SLC12A3: variants seen among roughly 807,000 people sequenced by gnomAD.
SLC12A3 encodes the protein solute carrier family 12 member 3.
Under a neutral mutation model 121.0 loss-of-function variants are expected in SLC12A3, and 104 were observed. The ratio of observed to expected loss-of-function variants is 0.86; its 90% confidence interval spans 0.73 to 1.01. SLC12A3 has a LOEUF of 1.01. Ranked by LOEUF, SLC12A3 falls within the 50% of genes least tolerant of loss-of-function variation. The pLI is 0.00. For missense variants in SLC12A3, 1,328 were observed against 1,356.3 expected (o/e 0.98, Z 0.33); for synonymous variants, 536 against 533.4 (o/e 1.00, Z -0.07).
chr16:56,904,197 G>A, intron 24 of SLC12A3, 198 bp from the exon 25 acceptor site: 3 of 577,330 alleles, frequency 5.2e-6, no homozygotes, highest in South Asian at 3.5e-5. Flanking sequence ...CTTCTTGGAG[G>A]AGGTGAGCTT....
chr16:56,883,526 C>T (rs879887167), intron 13 of SLC12A3, among the ~76,000 whole-genome samples: 1 of 152,044 alleles, frequency 6.6e-6, no homozygotes, highest in Admixed American at 6.6e-5. Context: ...ATGATCCGCC[C>T]GCCTCAGCCT....
At chr16:56,866,201 G>A (rs1964351782) in intron 1 of SLC12A3, among the ~76,000 whole-genome samples, 1 of 152,090 alleles carries the variant, frequency 6.6e-6, no homozygotes, top group South Asian at 2.1e-4. Flanking sequence ...GGCCAGGCTG[G>A]TCTTGAACTC....
intron 22 of SLC12A3, 24 bp from the exon 23 acceptor site, chr16:56,899,506 A>C (rs1207864984): frequency 1.3e-6 from 2 of 1,586,226 alleles, no homozygotes; most frequent in Non-Finnish European, 1.7e-6. Flanking sequence ...AGTAATAACA[A>C]TAAACCCTCC....
intron 23 of SLC12A3, among the ~76,000 whole-genome samples, chr16:56,901,935 T>C (rs1416640680): frequency 6.6e-6 from 1 of 152,218 alleles, no homozygotes; most frequent in Non-Finnish European, 1.5e-5. Flanking sequence ...ACAGACTTCC[T>C]TCAGGTCCCA....
chr16:56,879,923 A>T (rs2055215658), intron 11 of SLC12A3, among the ~76,000 whole-genome samples: 1 of 152,062 alleles, frequency 6.6e-6, no homozygotes, highest in Admixed American at 6.6e-5. Context: ...GAAGCCATCC[A>T]TCCCCCAGTC....
At chr16:56,872,500 A>G (rs1224722315) in intron 7 of SLC12A3, 38 bp downstream of exon 7, 2 of 1,587,880 alleles carry the variant, frequency 1.3e-6, no homozygotes, top group Non-Finnish European at 1.7e-6. Context: ...GGCTCTGGGG[A>G]CAGGGACTCT....
At chr16:56,870,495 C>T in intron 5 of SLC12A3, 131 bp from the exon 6 acceptor site, 3 of 777,478 alleles carry the variant, frequency 3.9e-6, no homozygotes, top group Admixed American at 2.0e-5. Context: ...GACTCGATGG[C>T]AGGGGTGGTG....
At position 56,879,574 on chromosome 16, in the gene SLC12A3, G is replaced by A. The variant is rs139817489; in HGVS notation, c.1368G>A (p.Leu456=). 17 of 1,613,716 alleles carry A rather than the reference G, an allele frequency of 1.1e-5. No individual in the cohort carries two copies. The highest frequency in any genetic ancestry group is 1.4e-5 in the Non-Finnish European group (16 of 1,180,006). Residue 456 remains leucine, a synonymous_variant, in exon 11 of 26, where the codon CTG becomes CTA. Coordinates refer to ENST00000563236, the MANE Select transcript of SLC12A3 (RefSeq NM_001126108.2). The part of the protein sequence containing the change: ...TMSMVSGFAP[L]ITAGIFGATL... ...GCATGGTGTCAGGCTTCGCGCCCCT[G>A]ATCACGGCTGGCATCTTCGGGGCCA...
intron 18 of SLC12A3, among the ~76,000 whole-genome samples, chr16:56,889,404 G>C (rs1456332414): frequency 6.6e-6 from 1 of 152,244 alleles, no homozygotes; most frequent in Admixed American, 6.5e-5. Flanking sequence ...TGGTGGGCGG[G>C]CTCTTGGGCA....
rs542526389 is a variant in SLC12A3 at position 56,876,266 on chromosome 16, C to G, written c.1096-1811C>G. Among the ~76,000 whole-genome samples the G allele has an allele frequency of 4.6e-5, 7 of 152,284 alleles. No homozygotes were observed. The South Asian group carries it at 1.2e-3, about 27-fold the overall frequency. On this transcript the variant is annotated intron_variant, in intron 8 of 25. Coordinates refer to ENST00000563236, the MANE Select transcript of SLC12A3 (RefSeq NM_001126108.2). Reference sequence around the variant, plus strand: ...CTAATCCGGTATGACCTCATCTTTACTAACTGCACCTGCAAAGACCCTGTT... The same window carrying G: ...CTAATCCGGTATGACCTCATCTTTAGTAACTGCACCTGCAAAGACCCTGTT...
chr16:56,886,349 C>G lies in SLC12A3; in HGVS notation c.1926-15C>G, dbSNP rs1210895334. The G allele has an allele frequency of 3.1e-6, 5 of 1,600,876 alleles. No homozygotes were observed. Among genetic ancestry groups the G allele is most frequent in the Non-Finnish European group, 4.3e-6 (5 of 1,168,294 alleles). On this transcript the variant is annotated splice_polypyrimidine_tract_variant and intron_variant, in intron 15 of 25. Coordinates refer to ENST00000563236, the MANE Select transcript of SLC12A3 (RefSeq NM_001126108.2). ...CTCTCCTGATGGCTCCTGCCCTTTT[C>G]CCTTCCCTCCTCAGCCCCCAGTGCC... is the stretch of plus-strand genomic sequence containing the variant.
At chr16:56,909,542 C>T (rs916921190) in intron 25 of SLC12A3, among the ~76,000 whole-genome samples, 6 of 152,038 alleles carry the variant, frequency 3.9e-5, no homozygotes, top group African/African-American at 1.2e-4. Flanking sequence ...CTGCCCAGGG[C>T]GTCCCACCCC....
At chr16:56,877,910 C>T (rs1357625664) in intron 8 of SLC12A3, among the ~76,000 whole-genome samples, 167 bp from the exon 9 acceptor site, 1 of 152,234 alleles carries the variant, frequency 6.6e-6, no homozygotes, top group Admixed American at 6.5e-5. Flanking sequence ...CCTCTCTGTG[C>T]TGGAACAGGG....
At chr16:56,894,086 C>T (rs540391233) in intron 21 of SLC12A3, among the ~76,000 whole-genome samples, 1 of 150,914 alleles carries the variant, frequency 6.6e-6, no homozygotes, top group East Asian at 2.0e-4. Context: ...TCACTGCAAC[C>T]TCTGCCTCCT....
chr16:56,889,070 G>A (rs980575732), intron 18 of SLC12A3, among the ~76,000 whole-genome samples: 1 of 151,848 alleles, frequency 6.6e-6, no homozygotes, highest in South Asian at 2.1e-4. Context: ...CTTGCTGTGT[G>A]ATGTCCAGAG....
Position 56,886,456 on chromosome 16 carries a change from T to C in SLC12A3, c.2018T>C (p.Ile673Thr). ...GTFTRNLSLM[I>T]CGHVLIGPHK... The stretch of plus-strand genomic sequence containing the variant: ...TTCACCCGGAACCTCAGCCTGATGA[T>C]CTGTGGCCACGTGCTCATCGTGAGT... The change falls in exon 16 of 26, where the codon ATC becomes ACC. Residue 673 changes from isoleucine (I) to threonine (T), a missense_variant. Ile to Thr is a moderately conservative substitution (Grantham distance 89). Coordinates refer to ENST00000563236, the MANE Select transcript of SLC12A3 (RefSeq NM_001126108.2). The C allele has an allele frequency of 1.9e-6, 3 of 1,613,916 alleles. No individual in the cohort carries two copies. Among genetic ancestry groups the C allele is most frequent in the Non-Finnish European group, 2.5e-6 (3 of 1,179,980 alleles).
chr16:56,882,513 A>AC lies in SLC12A3; in HGVS notation c.1669+19dup. 6.3e-7 allele frequency: 1 copy of AC among 1,599,288 alleles called. No individual in the cohort carries two copies. Among genetic ancestry groups the AC allele is most frequent in the Non-Finnish European group, 8.6e-7 (1 of 1,166,842 alleles). ...AACTCGCCTGGTAAGCAAACCCTTC[A>AC]CCCACCTCAGGAGGAGGCACCCAGG... On this transcript the variant is annotated intron_variant, in intron 13 of 25. Coordinates refer to ENST00000563236, the MANE Select transcript of SLC12A3 (RefSeq NM_001126108.2).
Position 56,880,256 on chromosome 16 carries a change from A to T in SLC12A3, c.1567+3A>T. Reference sequence around the variant, plus strand: ...CGCTGTGGCCTTCATCATCATCGGTAAGGCTCTGCCAGGGCTCACAGGGCC... The same window carrying T: ...CGCTGTGGCCTTCATCATCATCGGTTAGGCTCTGCCAGGGCTCACAGGGCC... On this transcript the variant is annotated splice_donor_region_variant and intron_variant, in intron 12 of 25. Transcript: ENST00000563236. 1.3e-6 allele frequency: 2 copies of T among 1,576,626 alleles called. No individual in the cohort carries two copies. Among genetic ancestry groups the T allele is most frequent in the Non-Finnish European group, 1.7e-6 (2 of 1,160,668 alleles).
At chr16:56,894,702 C>A in intron 22 of SLC12A3, 60 bp downstream of exon 22, 1 of 1,280,022 alleles carries the variant, frequency 7.8e-7, no homozygotes, top group Non-Finnish European at 1.1e-6. Context: ...TTAGCTCCAC[C>A]CAAGGCTGTC....
Sources: allele counts gnomAD v4.1 joint callset (sites outside exome capture counted in the v4.1 genomes callset), GRCh38; gene constraint gnomAD v4.1.1; transcripts MANE v1.5; gene names NCBI Gene and HGNC (gene_info 2026-07-23, HGNC 2026-07-21).